The following MED13L variants were observed in gnomAD, a reference collection of about 807,000 sequenced individuals.
MED13L encodes mediator of RNA polymerase II transcription subunit 13-like.
In MED13L, 7 loss-of-function variants were observed where a neutral mutation model predicts 220.9. The ratio of observed to expected loss-of-function variants is 0.03; its 90% CI spans 0.02 to 0.06. The LOEUF (loss-of-function observed/expected upper bound fraction) is 0.06, where lower values mean the gene tolerates loss of function less well. Ranked by LOEUF, MED13L falls within the 10% of genes least tolerant of loss-of-function variation. The pLI is 1.00. For synonymous variants in MED13L, 1,011 were observed against 1,015.2 expected, an observed-to-expected ratio of 1.00 and a Z score of 0.08; for missense variants, 1,965 against 2,760.5, an observed-to-expected ratio of 0.71 and a Z score of 6.46.
At chr12:116,015,070 TTAC>T in intron 8 of MED13L, 36 bp downstream of exon 8, 1 of 1,588,056 alleles carries the variant, frequency 6.3e-7, no homozygotes, top group Non-Finnish European at 8.6e-7. Flanking sequence ...AAGGAGATGG[TTAC>T]TAAACTATGA....
At chr12:116,114,922 A>T (rs1278993613) in intron 2 of MED13L, among the ~76,000 whole-genome samples, 1 of 152,192 alleles carries the variant, frequency 6.6e-6, no homozygotes, top group Admixed American at 6.5e-5. Flanking sequence ...CAATACTAAC[A>T]AACGAAATAA....
chr12:116,122,556 A>G (rs773269127), intron 2 of MED13L, among the ~76,000 whole-genome samples: 2 of 152,176 alleles, frequency 1.3e-5, no homozygotes, highest in East Asian at 1.9e-4. Context: ...AACCTTCCCG[A>G]TGTCAATTCA....
chr12:116,069,062 T>C (rs556380813), intron 4 of MED13L, among the ~76,000 whole-genome samples: 19 of 152,298 alleles, frequency 1.2e-4, no homozygotes, highest in African/African-American at 3.4e-4. Flanking sequence ...GCAGAGCCTC[T>C]ATCTCATTCA....
At position 116,202,686 on chromosome 12, in the gene MED13L, G is replaced by A. The variant is rs1026064018; in HGVS notation, c.310+34782C>T. On this transcript the variant is annotated intron_variant, in intron 2 of 30. Transcript: ENST00000281928. ...GCATTTTTAAATCTCCTGTGGCTGT[G>A]ATGCACAAGGAACTCCCCTCTCTCT... Among the ~76,000 whole-genome samples, 7 of 152,126 alleles carry A rather than the reference G, an allele frequency of 4.6e-5. 1 individual carries two copies. Among genetic ancestry groups the A allele is most frequent in the African/African-American group, 1.4e-4 (6 of 41,420 alleles).
intron 2 of MED13L, among the ~76,000 whole-genome samples, chr12:116,190,546 A>AT (rs1881205690): frequency 6.6e-6 from 1 of 152,046 alleles, no homozygotes; most frequent in Non-Finnish European, 1.5e-5. Flanking sequence ...TTCAAGCCCT[A>AT]TTTTTTTCAG....
intron 1 of MED13L, among the ~76,000 whole-genome samples, chr12:116,259,717 T>C (rs1291288510): frequency 6.6e-6 from 1 of 151,958 alleles, no homozygotes; most frequent in Non-Finnish European, 1.5e-5. Context: ...TTTTGACACA[T>C]GCAAAAGCAA....
intron 4 of MED13L, among the ~76,000 whole-genome samples, chr12:116,038,277 A>C (rs1191767591): frequency 6.6e-6 from 1 of 152,020 alleles, no homozygotes; most frequent in Non-Finnish European, 1.5e-5. Flanking sequence ...GAACCACATA[A>C]ATTTTTCTAC....
Position 116,277,186 on chromosome 12 carries a change from G to A in MED13L, c.-55C>T. 4.6e-6 allele frequency: 6 copies of A among 1,301,042 alleles called. No individual in the cohort carries two copies. Among genetic ancestry groups the A allele is most frequent in the Non-Finnish European group, 6.1e-6 (6 of 988,702 alleles). The allele number at this position is 1,301,042 out of a possible 1,614,324, so 80.6% of individuals were successfully genotyped here. On this transcript the variant is annotated 5_prime_UTR_variant, in exon 1 of 31. Coordinates refer to ENST00000281928, the MANE Select transcript of MED13L (RefSeq NM_015335.5). The stretch of plus-strand genomic sequence containing the variant: ...GGGCATGTCGGAGCGAGGCGTCCGA[G>A]GCGAGGCCGGGCCGGGCGGCGGCGC...
intron 2 of MED13L, among the ~76,000 whole-genome samples, chr12:116,150,409 T>C (rs1423315021): frequency 2.0e-5 from 3 of 152,244 alleles, no homozygotes; most frequent in African/African-American, 7.2e-5. Flanking sequence ...TCTACTCTTC[T>C]TGTTACATCT....
chr12:116,011,489 G>A (rs376105194), intron 9 of MED13L, among the ~76,000 whole-genome samples: 22 of 152,278 alleles, frequency 1.4e-4, no homozygotes, highest in East Asian at 9.6e-4. Flanking sequence ...GGAAAGAGCA[G>A]GGAAAATAAG....
rs143503354 is a variant in MED13L, at chr12:116,149,675, A to G, written c.311-38163T>C. On this transcript the variant is annotated intron_variant, in intron 2 of 30. Transcript: ENST00000281928. ...CCTTAAAGGGTGGGTAACATTTAGA[A>G]TAAGTAAACAGGGAGATTAAGGAAA... 2.6e-4 allele frequency among the ~76,000 whole-genome samples: 40 copies of G among 152,334 alleles called. No individual in the cohort carries two copies. The East Asian group carries it at 6.4e-3, about 24-fold the overall frequency.
chr12:116,045,562 T>C lies in MED13L; in HGVS notation c.480-22961A>G, dbSNP rs372274166. On this transcript the variant is annotated intron_variant, in intron 4 of 30. Transcript: ENST00000281928. ...TATGGACAGTCTGTACTGAAAACTATGGTATGACATAAAATATGAGTCACA... is the reference window on the plus strand; with the variant it reads ...TATGGACAGTCTGTACTGAAAACTACGGTATGACATAAAATATGAGTCACA... 1.1e-4 allele frequency among the ~76,000 whole-genome samples: 17 copies of C among 152,314 alleles called. No individual in the cohort carries two copies. In the East Asian group the frequency reaches 3.1e-3, roughly 28 times the overall value.
intron 4 of MED13L, among the ~76,000 whole-genome samples, chr12:116,040,565 T>G (rs535044665): frequency 6.6e-6 from 1 of 152,182 alleles, no homozygotes; most frequent in East Asian, 1.9e-4. Flanking sequence ...CCAGGTCATT[T>G]ACTCAAAAAA....
chr12:116,006,022 A>G, intron 12 of MED13L, 29 bp from the exon 13 acceptor site: 1 of 1,613,576 alleles, frequency 6.2e-7, no homozygotes, highest in Non-Finnish European at 8.5e-7. Context: ...AAGACACAGA[A>G]TAAACAACTC....
At position 116,019,226 on chromosome 12, in the gene MED13L, A is replaced by G. The variant is rs746379349; in HGVS notation, c.1007T>C (p.Leu336Pro). The G allele has an allele frequency of 3.1e-6, 5 of 1,613,112 alleles. No individual in the cohort carries two copies. The highest frequency in any genetic ancestry group is 1.1e-5 in the South Asian group (1 of 91,056). ...TPPTSPEQAI[L>P]GESGGMQSAA... ...GGACACTCCTGGATCCTACTCACCT[A>G]GGATAGCCTGTTCTGGAGAGGTGGG... Residue 336 changes from leucine (L) to proline (P), a missense_variant and splice_region_variant, in exon 7 of 31, where the codon CTA (leucine) becomes CCA (proline). By Grantham distance (98) the Leu-to-Pro change is moderately conservative (BLOSUM62 -3). Coordinates refer to ENST00000281928, the MANE Select transcript of MED13L (RefSeq NM_015335.5).
chr12:115,976,175 A>C (rs1592905786), intron 23 of MED13L, among the ~76,000 whole-genome samples: 1 of 152,346 alleles, frequency 6.6e-6, no homozygotes, highest in African/African-American at 2.4e-5. Flanking sequence ...TTGAACCAAC[A>C]AAATGCACAT....
intron 1 of MED13L, among the ~76,000 whole-genome samples, chr12:116,266,919 T>C (rs930649813): frequency 1.3e-5 from 2 of 152,078 alleles, no homozygotes; most frequent in African/African-American, 2.4e-5. Flanking sequence ...AAACAGAAAA[T>C]AGAAATTAGC....
intron 2 of MED13L, among the ~76,000 whole-genome samples, chr12:116,136,727 T>C (rs1593086464): frequency 6.6e-6 from 1 of 152,244 alleles, no homozygotes; most frequent in East Asian, 1.9e-4. Flanking sequence ...TCAGCTATAG[T>C]TTTGATTATA....
intron 2 of MED13L, among the ~76,000 whole-genome samples, chr12:116,156,310 T>C (rs1878427225): frequency 6.7e-6 from 1 of 149,946 alleles, no homozygotes; most frequent in South Asian, 2.1e-4. Context: ...TATGAGTACA[T>C]CCATTAGGAT....
Sources: gnomAD v4.1 joint callset for allele counts (sites outside exome capture counted in the v4.1 genomes callset) on GRCh38, gnomAD v4.1.1 for gene constraint, MANE v1.5 for transcripts, NCBI Gene and HGNC (gene_info 2026-07-23, HGNC 2026-07-21) for gene names.